PPP2R2C: variants seen among roughly 807,000 people sequenced by gnomAD.
PPP2R2C encodes protein phosphatase 2 regulatory subunit Bgamma, also known as protein phosphatase 2, regulatory subunit B, gamma.
PPP2R2C carries 10 observed loss-of-function variants against 45.3 expected under a neutral mutation model. The observed-to-expected ratio is 0.22, with a 90% CI of 0.14 to 0.37. The LOEUF is 0.37. PPP2R2C is among the 10% of genes least tolerant of loss of function. The probability of loss-of-function intolerance (pLI) is 1.00; values close to 1 mark genes in which losing one functional copy is unlikely to be tolerated. For synonymous variants in PPP2R2C, 257 were observed against 245.4 expected (o/e 1.05, Z -0.44); for missense variants, 308 against 619.7 (o/e 0.50, Z 5.34).
chr4:6,441,877 C>T (rs1720173030), intron 1 of PPP2R2C, among the ~76,000 whole-genome samples: 1 of 152,216 alleles, frequency 6.6e-6, no homozygotes, highest in South Asian at 2.1e-4. Context: ...CCCCCCAGCA[C>T]TGCGGTCAAA....
At chr4:6,462,435 C>A (rs375020565) in intron 1 of PPP2R2C, among the ~76,000 whole-genome samples, 1 of 151,986 alleles carries the variant, frequency 6.6e-6, no homozygotes, top group Non-Finnish European at 1.5e-5. Flanking sequence ...GCCAAGATCA[C>A]GCCATTGTAC....
At chr4:6,440,827 C>A (rs544973423) in intron 1 of PPP2R2C, among the ~76,000 whole-genome samples, 18 of 152,258 alleles carry the variant, frequency 1.2e-4, no homozygotes, top group African/African-American at 4.1e-4. Flanking sequence ...ACCCTGAGGC[C>A]AACATTTTTC....
chr4:6,558,712 C>A (rs1012516465), intron 1 of PPP2R2C, among the ~76,000 whole-genome samples: 1 of 152,150 alleles, frequency 6.6e-6, no homozygotes, highest in Non-Finnish European at 1.5e-5. Context: ...ACAGTGTCCC[C>A]ACCATGAAGC....
At chr4:6,480,377 C>T (rs1047305535) in intron 2 of PPP2R2C, among the ~76,000 whole-genome samples, 1 of 152,184 alleles carries the variant, frequency 6.6e-6, no homozygotes, top group Non-Finnish European at 1.5e-5. Context: ...GCTGATCATG[C>T]ATATCTTTTC....
In PPP2R2C at chr4:6,329,183, C is replaced by CG. The variant is rs1205528901; in HGVS notation, c.1052+78dup. The CG allele has an allele frequency of 1.4e-6, 2 of 1,395,570 alleles. No individual in the cohort carries two copies. The highest frequency in any genetic ancestry group is 4.7e-5 in the East Asian group (2 of 42,482). 86.4% of individuals were successfully genotyped at this position (1,395,570 alleles called of 1,614,324 possible). A position where few individuals can be genotyped will look rare whatever the true frequency, so the allele number is the denominator to read the frequency against. ...TGAGTAGCCCCATGCTGCGGGTCAC[C>CG]GGAATCCCAGCCCAGACCCCTGCAG... On this transcript the variant is annotated intron_variant, in intron 8 of 8. Transcript: ENST00000382599. The surrounding 1 kb of genome is among the most constrained non-coding windows in gnomAD (Gnocchi z 5.8).
At chr4:6,347,789 T>TGCCCCCCC in intron 6 of PPP2R2C, 57 bp downstream of exon 6, 24 of 1,033,608 alleles carry the variant, frequency 2.3e-5, no homozygotes, top group East Asian at 9.4e-5. Flanking sequence ...GGACAGGACA[T>TGCCCCCCC]CCCACCCGCC....
chr4:6,366,893 C>T (rs1714363632), intron 5 of PPP2R2C, among the ~76,000 whole-genome samples: 1 of 152,020 alleles, frequency 6.6e-6, no homozygotes, highest in East Asian at 1.9e-4. Flanking sequence ...AGAGGGGAAC[C>T]CGTGAGAGTT....
intron 5 of PPP2R2C, among the ~76,000 whole-genome samples, chr4:6,362,123 G>C (rs540611957): frequency 6.6e-6 from 1 of 152,260 alleles, no homozygotes; most frequent in Non-Finnish European, 1.5e-5. Flanking sequence ...GGGAGGCAGA[G>C]AGGGTGAGAG....
intron 2 of PPP2R2C, among the ~76,000 whole-genome samples, chr4:6,506,129 G>A (rs546571933): frequency 2.0e-5 from 3 of 152,182 alleles, no homozygotes; most frequent in Admixed American, 1.3e-4. Flanking sequence ...AAAATAATGT[G>A]TTGGCTCTTC....
intron 5 of PPP2R2C, among the ~76,000 whole-genome samples, chr4:6,357,412 G>A (rs1383205811): frequency 6.6e-6 from 1 of 152,194 alleles, no homozygotes; most frequent in Non-Finnish European, 1.5e-5. Context: ...AATATTTCAG[G>A]CCTAGCCAGA....
chr4:6,530,520 G>A (rs150393472), intron 2 of PPP2R2C, among the ~76,000 whole-genome samples: 307 of 150,656 alleles, frequency 2.0e-3, no homozygotes, highest in African/African-American at 6.6e-3. Flanking sequence ...TAAGCCCTCC[G>A]TGGCTGTGGT....
In PPP2R2C at chr4:6,364,299, T is replaced by C. The variant is rs1714073733; in HGVS notation, c.625+8224A>G. Among the ~76,000 whole-genome samples, 1 of 151,940 alleles carries C rather than the reference T, an allele frequency of 6.6e-6. No individual in the cohort carries two copies. Among genetic ancestry groups the C allele is most frequent in the African/African-American group, 2.4e-5 (1 of 41,374 alleles). On this transcript the variant is annotated intron_variant, in intron 5 of 8. Transcript: ENST00000382599. This position sits in a 1 kb window ranked among gnomAD's most constrained non-coding sequence, Gnocchi z 5.3. ...CTGCTGCAGGAGATGGCTGGAAATA[T>C]GGTGAAGAGCAGGGGGCCGGGAACG...
chr4:6,370,048 A>G (rs1714672658), intron 5 of PPP2R2C, among the ~76,000 whole-genome samples: 1 of 152,236 alleles, frequency 6.6e-6, no homozygotes, highest in African/African-American at 2.4e-5. Context: ...CAGCCCAGAC[A>G]GGAAAACCGA....
intron 1 of PPP2R2C, among the ~76,000 whole-genome samples, chr4:6,392,786 T>C (rs995791633): frequency 6.6e-6 from 1 of 152,210 alleles, no homozygotes; most frequent in African/African-American, 2.4e-5. Context: ...CTTCTGTCTT[T>C]CTAGCATGGA....
chr4:6,349,976 G>C, intron 5 of PPP2R2C: 1 of 985,374 alleles, frequency 1.0e-6, no homozygotes, highest in Non-Finnish European at 1.2e-6. Flanking sequence ...GATCTGTGCA[G>C]TCAGAAAGCA....
At position 6,471,281 on chromosome 4, in the gene PPP2R2C, C is replaced by G. The variant is rs1305364185; in HGVS notation, c.70+879G>C. ...CACAGGCGGCCCCGAGCCCAGACCT[C>G]CCGGTCCCCATCCTCCATCGGGGTC... On this transcript the variant is annotated intron_variant, in intron 1 of 8. Coordinates refer to ENST00000382599, the MANE Select transcript of PPP2R2C (RefSeq NM_020416.4). This position sits in a 1 kb window ranked among gnomAD's most constrained non-coding sequence, Gnocchi z 5.6. Among the ~76,000 whole-genome samples, 2 of 152,176 alleles carry G rather than the reference C, an allele frequency of 1.3e-5. No homozygotes were observed. Among genetic ancestry groups the G allele is most frequent in the Non-Finnish European group, 2.9e-5 (2 of 68,038 alleles).
In PPP2R2C at chr4:6,335,415, G is replaced by A. The variant is rs57369876; in HGVS notation, c.791-1684C>T. ...GTGCTGGGCAGAAGGGACGGCACAC[G>A]CAAGGGCCCTGAGGCAGGGACACGC... is the stretch of plus-strand genomic sequence containing the variant. On this transcript the variant is annotated intron_variant, in intron 6 of 8. Transcript: ENST00000382599. 1.8e-3 allele frequency among the ~76,000 whole-genome samples: 278 copies of A among 152,222 alleles called. 1 individual carries two copies. The highest frequency in any genetic ancestry group is 6.4e-3 in the African/African-American group (264 of 41,532).
chr4:6,337,114 A>ATATATG (rs1733024478), intron 6 of PPP2R2C, among the ~76,000 whole-genome samples: 2 of 19,160 alleles, frequency 1.0e-4, no homozygotes, highest in Non-Finnish European at 1.8e-4. Flanking sequence ...GTGTGTGTGT[A>ATATATG]TATATATATA....
intron 5 of PPP2R2C, among the ~76,000 whole-genome samples, chr4:6,363,316 C>T (rs979892958): frequency 1.3e-5 from 2 of 152,150 alleles, no homozygotes; most frequent in Admixed American, 6.5e-5. Context: ...CGGTGGCTAA[C>T]GCCTGTAAAC....
Sources: gnomAD v4.1 joint callset for allele counts (sites outside exome capture counted in the v4.1 genomes callset) on GRCh38, gnomAD v4.1.1 for gene constraint, Gnocchi (gnomAD v3.1) non-coding constraint, MANE v1.5 for transcripts, NCBI Gene and HGNC (gene_info 2026-07-23, HGNC 2026-07-21) for gene names.